The following TET2 variants were observed in gnomAD, a reference collection of about 807,000 sequenced individuals.
TET2 encodes the protein methylcytosine dioxygenase TET2.
TET2 carries 299 observed loss-of-function variants against 142.9 expected under a neutral mutation model. That is an observed-to-expected ratio of 2.09 (90% CI 1.90 to 2.30). The LOEUF is 2.30. TET2 is among the 30% of genes most tolerant of loss of function. The pLI is 0.00. For missense variants in TET2, 2,418 were observed against 2,378.0 expected (o/e 1.02, Z -0.35); for synonymous variants, 819 against 849.0 (o/e 0.96, Z 0.61).
At chr4:105,155,528 G>A (rs755499962) in intron 1 of TET2, among the ~76,000 whole-genome samples, 2 of 152,196 alleles carry the variant, frequency 1.3e-5, no homozygotes, top group Non-Finnish European at 2.9e-5. Context: ...TTGTAGTTTT[G>A]GACACACAGG....
At chr4:105,169,768 A>T (rs1724354097) in intron 1 of TET2, among the ~76,000 whole-genome samples, 1 of 152,156 alleles carries the variant, frequency 6.6e-6, no homozygotes, top group Admixed American at 6.6e-5. Flanking sequence ...AAGGTGAGAG[A>T]TGAGGATCTA....
intron 2 of TET2, among the ~76,000 whole-genome samples, chr4:105,233,245 A>G (rs1396195408): frequency 6.6e-6 from 1 of 151,934 alleles, no homozygotes; most frequent in Non-Finnish European, 1.5e-5. Context: ...TTAGCTAGGC[A>G]TGGTAGCAGG....
At chr4:105,210,892 A>G (rs935529722) in intron 2 of TET2, among the ~76,000 whole-genome samples, 1 of 152,188 alleles carries the variant, frequency 6.6e-6, no homozygotes, top group Non-Finnish European at 1.5e-5. Flanking sequence ...TTCATTGTCT[A>G]TACAGCTACC....
chr4:105,180,837 C>T (rs1456271874), intron 1 of TET2, among the ~76,000 whole-genome samples: 4 of 152,104 alleles, frequency 2.6e-5, no homozygotes, highest in East Asian at 1.9e-4. Flanking sequence ...CAGGGTTTCA[C>T]GATGTTGGCC....
At chr4:105,222,851 C>A (rs1190915037) in intron 2 of TET2, among the ~76,000 whole-genome samples, 4 of 146,372 alleles carry the variant, frequency 2.7e-5, no homozygotes, top group Non-Finnish European at 4.6e-5. Flanking sequence ...GGTTTTAGGT[C>A]TAACGTTTAA....
rs778844658 is a variant in TET2, at chr4:105,235,297, A to C, written c.1355A>C (p.Glu452Ala). The C allele has an allele frequency of 7.2e-5, 116 of 1,614,008 alleles. No individual in the cohort carries two copies. Among genetic ancestry groups the C allele is most frequent in the Non-Finnish European group, 9.3e-5 (110 of 1,180,018 alleles). The change falls in exon 3 of 11, where the codon GAG becomes GCG. Residue 452 changes from glutamate (E) to alanine (A), a missense_variant. Glu to Ala is a moderately radical substitution (Grantham distance 107). Coordinates refer to ENST00000380013, the MANE Select transcript of TET2 (RefSeq NM_001127208.3). The part of the protein sequence containing the change: ...NTTLLREVKI[E>A]GKPEAPPSQS... ...ACACTTTTAAGGGAAGTGAAAATAGAGGGTAAACCTGAGGCACCACCTTCC... is the reference window on the plus strand; with the variant it reads ...ACACTTTTAAGGGAAGTGAAAATAGCGGGTAAACCTGAGGCACCACCTTCC...
chr4:105,217,106 A>T (rs1727539664), intron 2 of TET2, among the ~76,000 whole-genome samples: 1 of 152,016 alleles, frequency 6.6e-6, no homozygotes, highest in Non-Finnish European at 1.5e-5. Context: ...GCACTATGCA[A>T]CACTAAAATA....
chr4:105,195,332 T>A (rs1272378665), intron 2 of TET2, among the ~76,000 whole-genome samples: 1 of 152,182 alleles, frequency 6.6e-6, no homozygotes, highest in Admixed American at 6.6e-5. Context: ...CAGATGTTAA[T>A]CTGACCAGAC....
At chr4:105,188,486 G>A (rs1482984319) in intron 1 of TET2, among the ~76,000 whole-genome samples, 1 of 152,178 alleles carries the variant, frequency 6.6e-6, no homozygotes, top group Non-Finnish European at 1.5e-5. Context: ...TAATGCCACA[G>A]AATAGTATAC....
intron 3 of TET2, chr4:105,240,907 G>C (rs1426881545): frequency 1.9e-6 from 2 of 1,080,542 alleles, no homozygotes; most frequent in Non-Finnish European, 2.3e-6. Flanking sequence ...GCAATATTCT[G>C]GGGGTGGGAT....
At chr4:105,269,006 T>C (rs1156979303) in intron 8 of TET2, among the ~76,000 whole-genome samples, 1 of 152,090 alleles carries the variant, frequency 6.6e-6, no homozygotes, top group Non-Finnish European at 1.5e-5. Context: ...AAGTTTGATA[T>C]TGACATACCT....
At chr4:105,271,174 A>G (rs1024030202) in intron 9 of TET2, among the ~76,000 whole-genome samples, 1 of 152,194 alleles carries the variant, frequency 6.6e-6, no homozygotes, top group Non-Finnish European at 1.5e-5. Flanking sequence ...TACTGGCCAT[A>G]CAAACACAAG....
At position 105,237,228 on chromosome 4, in the gene TET2, AC is replaced by A. The variant is rs750828286; in HGVS notation, c.3287del (p.Thr1096LysfsTer10). 6.2e-7 allele frequency: 1 copy of A among 1,614,066 alleles called. No individual in the cohort carries two copies. The highest frequency in any genetic ancestry group is 8.5e-7 in the Non-Finnish European group (1 of 1,180,002). On this transcript the variant is annotated frameshift_variant, in exon 3 of 11. Coordinates refer to ENST00000380013, the MANE Select transcript of TET2 (RefSeq NM_001127208.3). LOFTEE classifies it high-confidence loss of function. ...TSSEKTPTKR[T>X]AASVLNNFIE... ...TTCAGAAAAGACACCAACCAAAAGA[AC>A]AGCTGCTTCTGTTCTCAATAATTTT...
At chr4:105,190,275 A>C (rs572727227) in intron 1 of TET2, 85 bp from the exon 2 acceptor site, 1 of 519,430 alleles carries the variant, frequency 1.9e-6, no homozygotes, top group East Asian at 3.0e-5. Flanking sequence ...ATAGGTATCC[A>C]AAACCTTTTA....
chr4:105,180,131 G>GC (rs1448125450), intron 1 of TET2, among the ~76,000 whole-genome samples: 1 of 152,146 alleles, frequency 6.6e-6, no homozygotes, highest in East Asian at 1.9e-4. Context: ...AGATGTTCCA[G>GC]CCTTCACTTT....
chr4:105,250,380 A>ATTTTTTTTTTTTTTTTTTTTTTTT (rs59695275), intron 6 of TET2, among the ~76,000 whole-genome samples: 1 of 60,276 alleles, frequency 1.7e-5, no homozygotes, highest in African/African-American at 7.2e-5. Context: ...TCCTTTCTGG[A>ATTTTTTTTTTTTTTTTTTTTTTTT]TTTTTTTTTT....
chr4:105,151,011 G>A (rs752888144), intron 1 of TET2, among the ~76,000 whole-genome samples: 1 of 152,142 alleles, frequency 6.6e-6, no homozygotes, highest in Non-Finnish European at 1.5e-5. Flanking sequence ...ATAGATATTT[G>A]GTTGTCCATT....
At chr4:105,274,264 T>C (rs1379287911) in intron 10 of TET2, among the ~76,000 whole-genome samples, 1 of 152,262 alleles carries the variant, frequency 6.6e-6, no homozygotes, top group Non-Finnish European at 1.5e-5. Flanking sequence ...TTAACTCATA[T>C]GACTTTTTAA....
At chr4:105,167,231 A>G (rs1724196609) in intron 1 of TET2, among the ~76,000 whole-genome samples, 1 of 152,024 alleles carries the variant, frequency 6.6e-6, no homozygotes. Flanking sequence ...GATTCTTTTT[A>G]ATGGTAGCCT....
Sources: allele counts gnomAD v4.1 joint callset (sites outside exome capture counted in the v4.1 genomes callset), GRCh38; gene constraint gnomAD v4.1.1; transcripts MANE v1.5; gene names NCBI Gene and HGNC (gene_info 2026-07-23, HGNC 2026-07-21).